PCP4: variants seen among roughly 807,000 people sequenced by gnomAD.
The protein encoded by PCP4 is calmodulin regulator protein PCP4.
In PCP4, 8 loss-of-function variants were observed where a neutral mutation model predicts 10.0. The ratio of observed to expected loss-of-function variants is 0.80; its 90% CI spans 0.47 to 1.45. The LOEUF is 1.45. PCP4 is among the 40% of genes most tolerant of loss of function. The pLI is 0.00. For missense variants in PCP4, 54 were observed against 74.4 expected (o/e 0.73, Z 1.01); for synonymous variants, 21 against 23.0 (o/e 0.91, Z 0.24).
intron 1 of PCP4, among the ~76,000 whole-genome samples, chr21:39,877,452 C>G (rs2087351508): frequency 6.6e-6 from 1 of 151,502 alleles, no homozygotes; most frequent in Admixed American, 6.6e-5. Context: ...TTTGGGAGAC[C>G]CAGGTGGGAG....
At chr21:39,871,237 T>G (rs2087318276) in intron 1 of PCP4, among the ~76,000 whole-genome samples, 1 of 152,216 alleles carries the variant, frequency 6.6e-6, no homozygotes, top group Non-Finnish European at 1.5e-5. Flanking sequence ...GGTTTGGGGC[T>G]TACATAGTTG....
intron 2 of PCP4, among the ~76,000 whole-genome samples, chr21:39,926,814 ATTTTT>A (rs1287229074): frequency 6.6e-6 from 1 of 152,062 alleles, no homozygotes; most frequent in African/African-American, 2.4e-5. Context: ...CCTACCCCTT[ATTTTT>A]CTCCAAAGAA....
At chr21:39,870,301 A>T (rs2087313645) in intron 1 of PCP4, among the ~76,000 whole-genome samples, 1 of 152,234 alleles carries the variant, frequency 6.6e-6, no homozygotes, top group Non-Finnish European at 1.5e-5. Flanking sequence ...GGGTAATGTG[A>T]GAGAGAGGAG....
At chr21:39,874,192 A>T (rs2146324748) in intron 1 of PCP4, among the ~76,000 whole-genome samples, 1 of 152,314 alleles carries the variant, frequency 6.6e-6, no homozygotes, top group South Asian at 2.1e-4. Context: ...AGGAGCTAGA[A>T]TAGAGAGCAG....
At chr21:39,907,317 A>C (rs2087516843) in intron 2 of PCP4, among the ~76,000 whole-genome samples, 1 of 152,120 alleles carries the variant, frequency 6.6e-6, no homozygotes, top group Non-Finnish European at 1.5e-5. Flanking sequence ...GACCCCGGGC[A>C]GAAGTCCCCA....
intron 2 of PCP4, among the ~76,000 whole-genome samples, chr21:39,918,878 T>G (rs1398314888): frequency 6.6e-6 from 1 of 152,234 alleles, no homozygotes; most frequent in East Asian, 1.9e-4. Flanking sequence ...AGTGGCTCTC[T>G]GCATGCTTTG....
At chr21:39,871,982 C>T (rs767677325) in intron 1 of PCP4, among the ~76,000 whole-genome samples, 1 of 152,050 alleles carries the variant, frequency 6.6e-6, no homozygotes, top group Non-Finnish European at 1.5e-5. Flanking sequence ...TTATGATGAG[C>T]ACATTCTTTG....
intron 2 of PCP4, among the ~76,000 whole-genome samples, chr21:39,914,529 C>T (rs186449726): frequency 1.5e-3 from 195 of 132,732 alleles, no homozygotes; most frequent in African/African-American, 3.7e-3. Flanking sequence ...TGCAGTGAGC[C>T]GAGATCATGC....
At chr21:39,904,115 A>G (rs1006004320) in intron 2 of PCP4, among the ~76,000 whole-genome samples, 1 of 152,146 alleles carries the variant, frequency 6.6e-6, no homozygotes, top group Non-Finnish European at 1.5e-5. Context: ...GAGAGGTCCC[A>G]AGAAGGACTT....
intron 2 of PCP4, among the ~76,000 whole-genome samples, chr21:39,908,101 G>C (rs986074021): frequency 6.6e-6 from 1 of 152,086 alleles, no homozygotes; most frequent in Non-Finnish European, 1.5e-5. Flanking sequence ...TACAAATTCT[G>C]GATTGGCTTC....
chr21:39,926,625 T>A (rs541338630), intron 2 of PCP4, among the ~76,000 whole-genome samples: 1 of 152,310 alleles, frequency 6.6e-6, no homozygotes, highest in African/African-American at 2.4e-5. Flanking sequence ...AGATGCTACC[T>A]AACCAAGGAT....
At chr21:39,927,762 T>C (rs1199742468) in intron 2 of PCP4, among the ~76,000 whole-genome samples, 1 of 152,134 alleles carries the variant, frequency 6.6e-6, no homozygotes, top group Non-Finnish European at 1.5e-5. Context: ...TTGAGCTAAC[T>C]CCAAGGCCTC....
intron 1 of PCP4, among the ~76,000 whole-genome samples, chr21:39,890,478 C>G (rs1470254428): frequency 6.6e-6 from 1 of 152,046 alleles, no homozygotes; most frequent in East Asian, 1.9e-4. Flanking sequence ...GCCCCAGCCT[C>G]CAGAGTGGCT....
intron 1 of PCP4, among the ~76,000 whole-genome samples, chr21:39,889,246 GGAAA>G (rs1421960787): frequency 2.0e-5 from 3 of 152,064 alleles, no homozygotes; most frequent in Admixed American, 6.6e-5. Context: ...TGGGGAGATG[GGAAA>G]GAAAGGGAGG....
chr21:39,868,326 T>G (rs1359016572), intron 1 of PCP4, among the ~76,000 whole-genome samples: 1 of 152,202 alleles, frequency 6.6e-6, no homozygotes, highest in African/African-American at 2.4e-5. Flanking sequence ...TTAAAGATCT[T>G]TTATCTTCTC....
Position 39,906,039 on chromosome 21 carries a change from G to A in PCP4, c.61+7512G>A, listed in dbSNP as rs1048058770. Among the ~76,000 whole-genome samples, 27 of 152,168 alleles carry A rather than the reference G, an allele frequency of 1.8e-4. No individual in the cohort carries two copies. Among genetic ancestry groups the A allele is most frequent in the African/African-American group, 6.5e-4 (27 of 41,466 alleles). On this transcript the variant is annotated intron_variant, in intron 2 of 2. Transcript: ENST00000328619. The surrounding 1 kb of genome is among the most constrained non-coding windows in gnomAD (Gnocchi z 6.3). ...CACTCCAACCTGGGTGACAGAGCGAGACTCCGTCTCAAAATGCTCCCCCAT... is the reference window on the plus strand; with the variant it reads ...CACTCCAACCTGGGTGACAGAGCGAAACTCCGTCTCAAAATGCTCCCCCAT...
rs1162686244 is a variant in PCP4, at chr21:39,882,058, G to GA, written c.9+14549dup. Among the ~76,000 whole-genome samples the GA allele has an allele frequency of 2.6e-5, 4 of 152,294 alleles. No individual in the cohort carries two copies. In the East Asian group the frequency reaches 7.7e-4, roughly 29 times the overall value. On this transcript the variant is annotated intron_variant, in intron 1 of 2. Transcript: ENST00000328619. ...GAGAGTGTTTAGCTGCTCTTACTAT[G>GA]ACTGAAAAAACATAGCTGCTTGCAT...
rs1300683055 is a variant in PCP4, at chr21:39,929,317, A to C, written c.*206A>C. Reference sequence around the variant, plus strand: ...TGGAATTGTGAGTAGCTTAATCTCTATGTTTCTCTCCATTTTCATTCCTCC... The same window carrying C: ...TGGAATTGTGAGTAGCTTAATCTCTCTGTTTCTCTCCATTTTCATTCCTCC... On this transcript the variant is annotated 3_prime_UTR_variant, in exon 3 of 3. Coordinates refer to ENST00000328619, the MANE Select transcript of PCP4 (RefSeq NM_006198.3). The C allele has an allele frequency of 5.1e-6, 2 of 390,806 alleles. No homozygotes were observed. The highest frequency in any genetic ancestry group is 4.1e-5 in the African/African-American group (2 of 48,400). The allele number at this position is 390,806 out of a possible 1,614,324, so 24.2% of individuals were successfully genotyped here.
At position 39,898,457 on chromosome 21, in the gene PCP4, T is replaced by C; in HGVS notation, c.10-19T>C. 6.2e-7 allele frequency: 1 copy of C among 1,609,734 alleles called. No homozygotes were observed. The highest frequency in any genetic ancestry group is 8.5e-7 in the Non-Finnish European group (1 of 1,176,410). ...ATATCTGATAACAATTGCTTTTTTC[T>C]TTTATTTTTTGCCTTTAGCGACAAG... On this transcript the variant is annotated intron_variant, in intron 1 of 2. Coordinates refer to ENST00000328619, the MANE Select transcript of PCP4 (RefSeq NM_006198.3).
Sources: allele counts gnomAD v4.1 joint callset (sites outside exome capture counted in the v4.1 genomes callset), GRCh38; gene constraint gnomAD v4.1.1; non-coding constraint Gnocchi (gnomAD v3.1); transcripts MANE v1.5; gene names NCBI Gene and HGNC (gene_info 2026-07-23, HGNC 2026-07-21).